PPP1R3C: variants seen among roughly 807,000 people sequenced by gnomAD.
The protein encoded by PPP1R3C is protein phosphatase 1 regulatory subunit 3C.
Under a neutral mutation model 29.3 loss-of-function variants are expected in PPP1R3C, and 20 were observed. The ratio of observed to expected loss-of-function variants is 0.68; its 90% CI spans 0.48 to 0.99. The LOEUF (loss-of-function observed/expected upper bound fraction) is 0.99. Ranked by LOEUF, PPP1R3C falls within the 50% of genes least tolerant of loss-of-function variation. The pLI, the probability that PPP1R3C is intolerant of heterozygous loss-of-function variation, is 0.00. For missense variants in PPP1R3C, 321 were observed against 386.0 expected, an observed-to-expected ratio of 0.83 and a Z score of 1.41; for synonymous variants, 123 against 143.1, an observed-to-expected ratio of 0.86 and a Z score of 1.00.
Position 91,629,761 on chromosome 10 carries a change from C to A in PPP1R3C, c.*166G>T. 1.3e-6 allele frequency: 1 copy of A among 762,112 alleles called. No individual in the cohort carries two copies. Among genetic ancestry groups the A allele is most frequent in the Non-Finnish European group, 2.2e-6 (1 of 456,130 alleles). The allele number at this position is 762,112 out of a possible 1,614,324, so 47.2% of individuals were successfully genotyped here. The stretch of plus-strand genomic sequence containing the variant: ...ATTGGGTAGCATCATCTGTACAGAC[C>A]CCAACACTAAATTCTCAAGTGTCTT... On this transcript the variant is annotated 3_prime_UTR_variant, in exon 2 of 2. Coordinates refer to ENST00000238994, the MANE Select transcript of PPP1R3C (RefSeq NM_005398.7).
chr10:91,628,445 T>C lies in PPP1R3C; in HGVS notation c.*1482A>G, dbSNP rs185100575. 2.0e-4 allele frequency: 31 copies of C among 152,338 alleles called. No individual in the cohort carries two copies. The highest frequency in any genetic ancestry group is 1.0e-3 in the Admixed American group (16 of 15,308). 9.4% of individuals were successfully genotyped at this position (152,338 alleles called of 1,614,324 possible). A position where few individuals can be genotyped will look rare whatever the true frequency, so the allele number is the denominator to read the frequency against. ...AGAAAGAAAATATACTCAGGCCTTA[T>C]ATCAAACACATTTATTCTTAAAGTG... On this transcript the variant is annotated 3_prime_UTR_variant, in exon 2 of 2. Transcript: ENST00000238994.
intron 1 of PPP1R3C, 33 bp downstream of exon 1, chr10:91,632,923 T>G: frequency 6.2e-7 from 1 of 1,608,036 alleles, no homozygotes; most frequent in Non-Finnish European, 8.5e-7. Context: ...CGTTCCCCTG[T>G]GTTCCTAGCG....
At chr10:91,632,318 AT>A (rs1249620732) in intron 1 of PPP1R3C, among the ~76,000 whole-genome samples, 1 of 152,062 alleles carries the variant, frequency 6.6e-6, no homozygotes, top group Non-Finnish European at 1.5e-5. Flanking sequence ...AATAGGCAGG[AT>A]TTTTAGAGAA....
chr10:91,632,573 A>AT (rs1332568035), intron 1 of PPP1R3C, among the ~76,000 whole-genome samples: 1 of 151,886 alleles, frequency 6.6e-6, no homozygotes, highest in Admixed American at 6.6e-5. Flanking sequence ...TCGTCCTGTA[A>AT]TTTTTTTCCT....
chr10:91,632,718 G>A (rs1270790476), intron 1 of PPP1R3C, among the ~76,000 whole-genome samples: 2 of 152,088 alleles, frequency 1.3e-5, no homozygotes, highest in Non-Finnish European at 2.9e-5. Flanking sequence ...GCTGATTCAC[G>A]TTAAGATAAT....
rs746807759 is a variant in PPP1R3C at position 91,630,831 on chromosome 10, C to T, written c.50G>A (p.Ser17Asn). ...GGCCACATCCACGGGCATGACCGAACTTGTCAAAGGACGTGGATCTAAAAC... is the reference window on the plus strand; with the variant it reads ...GGCCACATCCACGGGCATGACCGAATTTGTCAAAGGACGTGGATCTAAAAC... ...IQVLDPRPLT[S>N]SVMPVDVAMR... Residue 17 changes from serine (S) to asparagine (N), a missense_variant, in exon 2 of 2, where the codon AGT (serine) becomes AAT (asparagine). Ser to Asn is a conservative substitution (Grantham distance 46). Coordinates refer to ENST00000238994, the MANE Select transcript of PPP1R3C (RefSeq NM_005398.7). The surrounding 1 kb of genome is among the most constrained non-coding windows in gnomAD (Gnocchi z 4.4). 1 of 1,613,734 alleles carries T rather than the reference C, an allele frequency of 6.2e-7. No individual in the cohort carries two copies. Among genetic ancestry groups the T allele is most frequent in the African/African-American group, 1.3e-5 (1 of 75,064 alleles).
chr10:91,631,006 AAAGAG>A, intron 1 of PPP1R3C, 140 bp from the exon 2 acceptor site: 1 of 771,572 alleles, frequency 1.3e-6, no homozygotes, highest in Non-Finnish European at 2.2e-6. Context: ...ATATGTAGTA[AAAGAG>A]AACAGTATTA....
chr10:91,632,384 TTTTTTTGG>T (rs1848726046), intron 1 of PPP1R3C, among the ~76,000 whole-genome samples: 1 of 151,570 alleles, frequency 6.6e-6, no homozygotes, highest in Admixed American at 6.6e-5. Context: ...TATGGGAGGT[TTTTTTTGG>T]TTTTTTTGTT....
At position 91,633,070 on chromosome 10, in the gene PPP1R3C, C is replaced by G. The variant is rs1187046918; in HGVS notation, c.-101G>C. ...CCCCCGCGGCGGTCGCTGGGAGAGA[C>G]TGAGGGCCCGGCGCCTAGAGGCCGC... On this transcript the variant is annotated 5_prime_UTR_variant, in exon 1 of 2. Coordinates refer to ENST00000238994, the MANE Select transcript of PPP1R3C (RefSeq NM_005398.7). 4 of 1,500,506 alleles carry G rather than the reference C, an allele frequency of 2.7e-6. No homozygotes were observed. Among genetic ancestry groups the G allele is most frequent in the Non-Finnish European group, 3.6e-6 (4 of 1,099,136 alleles). The allele number at this position is 1,500,506 out of a possible 1,614,324, so 92.9% of individuals were successfully genotyped here. A position where few individuals can be genotyped will look rare whatever the true frequency, so the allele number is the denominator to read the frequency against.
Position 91,630,600 on chromosome 10 carries a change from G to A in PPP1R3C, c.281C>T (p.Ser94Phe), listed in dbSNP as rs1225565726. ...RVVFADSKGL[S>F]LTAIHVFSDL... Reference sequence around the variant, plus strand: ...GGAGAAGACATGGATCGCAGTGAGAGAGAGGCCCTTGGAGTCAGCAAACAC... The same window carrying A: ...GGAGAAGACATGGATCGCAGTGAGAAAGAGGCCCTTGGAGTCAGCAAACAC... Residue 94 changes from serine (S) to phenylalanine (F), a missense_variant, in exon 2 of 2, where the codon TCT becomes TTT. Transcript: ENST00000238994. This position sits in a 1 kb window ranked among gnomAD's most constrained non-coding sequence, Gnocchi z 4.4. 2.5e-6 allele frequency: 4 copies of A among 1,613,066 alleles called. No individual in the cohort carries two copies. The highest frequency in any genetic ancestry group is 2.2e-5 in the South Asian group (2 of 91,062).
In PPP1R3C at chr10:91,630,873, T is replaced by C. The variant is rs760960898; in HGVS notation, c.15-7A>G. On this transcript the variant is annotated splice_region_variant and splice_polypyrimidine_tract_variant and intron_variant, in intron 1 of 1. Coordinates refer to ENST00000238994, the MANE Select transcript of PPP1R3C (RefSeq NM_005398.7). This position sits in a 1 kb window ranked among gnomAD's most constrained non-coding sequence, Gnocchi z 4.4. ...ATCTAAAACCTGGATCATTCTGGAA[T>C]GCAAAAAGAAGAGGGATTATCACCT... The C allele has an allele frequency of 1.9e-6, 3 of 1,606,048 alleles. No individual in the cohort carries two copies. The highest frequency in any genetic ancestry group is 2.5e-6 in the Non-Finnish European group (3 of 1,177,762).
rs958688706 is a variant in PPP1R3C, at chr10:91,629,126, C to T, written c.*801G>A. On this transcript the variant is annotated 3_prime_UTR_variant, in exon 2 of 2. Transcript: ENST00000238994. ...AGCTATCTTTGACATGACATGAAGT[C>T]CCTACGTGTTGTTAGCCATTAATGA... 6 of 152,206 alleles carry T rather than the reference C, an allele frequency of 3.9e-5. No homozygotes were observed. The highest frequency in any genetic ancestry group is 1.3e-4 in the Admixed American group (2 of 15,286). The allele number at this position is 152,206 out of a possible 1,614,324, so 9.4% of individuals were successfully genotyped here. A position where few individuals can be genotyped will look rare whatever the true frequency, so the allele number is the denominator to read the frequency against.
At position 91,630,687 on chromosome 10, in the gene PPP1R3C, T is replaced by C. The variant is rs1289184267; in HGVS notation, c.194A>G (p.Lys65Arg). The change falls in exon 2 of 2, where the codon AAA (lysine) becomes AGA (arginine). Residue 65 changes from lysine to arginine, a missense_variant. Coordinates refer to ENST00000238994, the MANE Select transcript of PPP1R3C (RefSeq NM_005398.7). This position sits in a 1 kb window ranked among gnomAD's most constrained non-coding sequence, Gnocchi z 4.4. ...GTCATTCTGTGATTTGGCTTTGTGT[T>C]TTATATTGAGACATGATTTCAGGGG... ...LKPLKSCLNI[K>R]HKAKSQNDWK... 7 of 1,613,850 alleles carry C rather than the reference T, an allele frequency of 4.3e-6. No homozygotes were observed. The East Asian group carries it at 8.9e-5, about 21-fold the overall frequency.
At position 91,630,779 on chromosome 10, in the gene PPP1R3C, TG is replaced by T; in HGVS notation, c.101del (p.Pro34HisfsTer3). 6.2e-7 allele frequency: 1 copy of T among 1,614,206 alleles called. No homozygotes were observed. The highest frequency in any genetic ancestry group is 8.5e-7 in the Non-Finnish European group (1 of 1,180,026). ...VAMRLCLAHSPPVKSFLGPYD... is the reference protein window; with the variant it reads ...VAMRLCLAHSXPVKSFLGPYD... The stretch of plus-strand genomic sequence containing the variant: ...ACGGGCCCAGGAAACTCTTCACAGG[TG>T]GTGAATGTGCCAAGCAAAGCCTCAT... On this transcript the variant is annotated frameshift_variant, in exon 2 of 2. Transcript: ENST00000238994. LOFTEE classifies it high-confidence loss of function. This position sits in a 1 kb window ranked among gnomAD's most constrained non-coding sequence, Gnocchi z 4.4.
rs954817068 is a variant in PPP1R3C at position 91,630,118 on chromosome 10, T to G, written c.763A>C (p.Arg255=). 3.1e-5 allele frequency: 50 copies of G among 1,614,126 alleles called. No homozygotes were observed. Among genetic ancestry groups the G allele is most frequent in the Middle Eastern group, 1.6e-4 (1 of 6,084 alleles). ...GGCTTCCATTGAACATGAACAATTC[T>G]ATAATTCTGACCATCATTGTTGTCC... The part of the protein sequence containing the change: ...FWDNNDGQNY[R]IVHVQWKPDG... Residue 255 remains arginine (R), a synonymous_variant, in exon 2 of 2, where the codon AGA becomes CGA. Transcript: ENST00000238994. This position sits in a 1 kb window ranked among gnomAD's most constrained non-coding sequence, Gnocchi z 4.4.
intron 1 of PPP1R3C, among the ~76,000 whole-genome samples, chr10:91,631,630 A>G (rs1435749091): frequency 6.6e-6 from 1 of 152,230 alleles, no homozygotes; most frequent in Non-Finnish European, 1.5e-5. Flanking sequence ...ATTTTTCACA[A>G]ATAACCACTG....
rs1346428538 is a variant in PPP1R3C at position 91,630,693 on chromosome 10, T to C, written c.188A>G (p.Asn63Ser). 7 of 1,613,938 alleles carry C rather than the reference T, an allele frequency of 4.3e-6. No individual in the cohort carries two copies. In the African/African-American group the frequency reaches 5.3e-5, roughly 12 times the overall value. Residue 63 changes from asparagine to serine, a missense_variant, in exon 2 of 2, where the codon AAT (asparagine) becomes AGT (serine). Coordinates refer to ENST00000238994, the MANE Select transcript of PPP1R3C (RefSeq NM_005398.7). The surrounding 1 kb of genome is among the most constrained non-coding windows in gnomAD (Gnocchi z 4.4). ...CTGTGATTTGGCTTTGTGTTTTATA[T>C]TGAGACATGATTTCAGGGGCTTTAA... ...NKLKPLKSCLNIKHKAKSQND... is the reference protein window; with the variant it reads ...NKLKPLKSCLSIKHKAKSQND...
At chr10:91,632,658 T>C (rs1848728827) in intron 1 of PPP1R3C, among the ~76,000 whole-genome samples, 1 of 152,174 alleles carries the variant, frequency 6.6e-6, no homozygotes, top group South Asian at 2.1e-4. Context: ...TTTGGGACAT[T>C]TGTGCAGGAC....
At chr10:91,631,697 A>G (rs558010789) in intron 1 of PPP1R3C, among the ~76,000 whole-genome samples, 4 of 152,332 alleles carry the variant, frequency 2.6e-5, no homozygotes, top group Admixed American at 2.6e-4. Flanking sequence ...TAATTCACCT[A>G]AAGAGATGCC....
Sources: gnomAD v4.1 joint callset for allele counts (sites outside exome capture counted in the v4.1 genomes callset) on GRCh38, gnomAD v4.1.1 for gene constraint, Gnocchi (gnomAD v3.1) non-coding constraint, MANE v1.5 for transcripts, NCBI Gene and HGNC (gene_info 2026-07-23, HGNC 2026-07-21) for gene names.